The following SORCS3 variants were observed in gnomAD, a reference collection of about 807,000 sequenced individuals.
The protein encoded by SORCS3 is sortilin related VPS10 domain containing receptor 3, also known as VPS10 domain-containing receptor SorCS3.
Under a neutral mutation model 146.3 loss-of-function variants are expected in SORCS3, and 57 were observed. That is an observed-to-expected ratio of 0.39 (90% CI 0.31 to 0.49). The LOEUF is 0.49. SORCS3 is among the 20% of genes least tolerant of loss of function. SORCS3 has a pLI of 0.92. For synonymous variants in SORCS3, 653 were observed against 618.5 expected, an observed-to-expected ratio of 1.06 and a Z score of -0.83; for missense variants, 1,341 against 1,575.5, an observed-to-expected ratio of 0.85 and a Z score of 2.52.
At chr10:104,721,563 T>C (rs2016549573) in intron 1 of SORCS3, among the ~76,000 whole-genome samples, 1 of 152,114 alleles carries the variant, frequency 6.6e-6, no homozygotes, top group South Asian at 2.1e-4. Context: ...TAAATTACCT[T>C]GGGCAGTATG....
intron 1 of SORCS3, among the ~76,000 whole-genome samples, chr10:104,733,151 G>A (rs982026202): frequency 6.6e-6 from 1 of 152,178 alleles, no homozygotes; most frequent in Non-Finnish European, 1.5e-5. Context: ...ATGCTCTGGG[G>A]CCCATGAGCT....
intron 3 of SORCS3, among the ~76,000 whole-genome samples, chr10:104,943,289 C>G (rs1400815105): frequency 6.6e-6 from 1 of 151,946 alleles, no homozygotes; most frequent in Admixed American, 6.6e-5. Flanking sequence ...GCTGCCATGC[C>G]CAGCTAATGT....
At chr10:105,183,524 C>T (rs993389856) in intron 14 of SORCS3, among the ~76,000 whole-genome samples, 3 of 152,154 alleles carry the variant, frequency 2.0e-5, no homozygotes, top group South Asian at 4.1e-4. Flanking sequence ...CCGATAAAGT[C>T]GTTGAAAATG....
chr10:104,870,443 T>G (rs561976292), intron 2 of SORCS3, among the ~76,000 whole-genome samples: 1 of 152,288 alleles, frequency 6.6e-6, no homozygotes, highest in Non-Finnish European at 1.5e-5. Flanking sequence ...TTTAATGTTT[T>G]TTTTTTTCTT....
At chr10:104,672,530 T>C (rs2015867336) in intron 1 of SORCS3, among the ~76,000 whole-genome samples, 3 of 152,022 alleles carry the variant, frequency 2.0e-5, no homozygotes, top group Admixed American at 2.0e-4. Flanking sequence ...TTTTCTAGAT[T>C]CTTAAGTTAG....
chr10:104,952,999 C>G (rs1192039356), intron 3 of SORCS3, among the ~76,000 whole-genome samples: 1 of 152,152 alleles, frequency 6.6e-6, no homozygotes, highest in African/African-American at 2.4e-5. Context: ...AACATAGGCT[C>G]TTCAGAGGAA....
chr10:105,241,611 G>C (rs2056824073), intron 20 of SORCS3, among the ~76,000 whole-genome samples: 1 of 152,132 alleles, frequency 6.6e-6, no homozygotes, highest in South Asian at 2.1e-4. Flanking sequence ...TCACATGGAT[G>C]GTTGAAGGAT....
chr10:104,973,763 T>C (rs2054876452), intron 3 of SORCS3, among the ~76,000 whole-genome samples: 1 of 146,128 alleles, frequency 6.8e-6, no homozygotes. Flanking sequence ...GCTCTTGCTT[T>C]TCTAGTTCTT....
At chr10:104,679,713 G>A (rs551794921) in intron 1 of SORCS3, among the ~76,000 whole-genome samples, 97 of 152,222 alleles carry the variant, frequency 6.4e-4, no homozygotes, top group African/African-American at 2.1e-3. Flanking sequence ...AGTCCTTGCC[G>A]AGGGCTCTTG....
At chr10:105,041,900 G>A (rs780415924) in intron 4 of SORCS3, among the ~76,000 whole-genome samples, 1 of 152,134 alleles carries the variant, frequency 6.6e-6, no homozygotes, top group Admixed American at 6.6e-5. Flanking sequence ...AAAACATAAG[G>A]ATGGTGGAAT....
intron 23 of SORCS3, among the ~76,000 whole-genome samples, chr10:105,255,083 G>T (rs1439700791): frequency 6.6e-6 from 1 of 151,182 alleles, no homozygotes. Context: ...AGCTACTCAG[G>T]AGGCTGAGGC....
chr10:105,211,337 A>G, intron 17 of SORCS3, 87 bp downstream of exon 17: 1 of 885,802 alleles, frequency 1.1e-6, no homozygotes, highest in South Asian at 1.4e-5. Flanking sequence ...TATTGAATAC[A>G]ATGGAGTGAA....
chr10:104,795,637 G>A (rs1455226384), intron 1 of SORCS3, among the ~76,000 whole-genome samples: 2 of 152,308 alleles, frequency 1.3e-5, no homozygotes, highest in East Asian at 1.9e-4. Context: ...CACTAAATCC[G>A]GTATTTCAGC....
Position 104,661,419 on chromosome 10 carries a change from C to T in SORCS3, c.627+19465C>T, listed in dbSNP as rs1182615822. Among the ~76,000 whole-genome samples the T allele has an allele frequency of 3.3e-5, 5 of 152,286 alleles. No homozygotes were observed. The East Asian group carries it at 9.6e-4, about 29-fold the overall frequency. On this transcript the variant is annotated intron_variant, in intron 1 of 26. Transcript: ENST00000369701. ...TGCTCCACCACCCTAACTTGTTCTC[C>T]TGAAGCAGGGATGGTAATGCCAAAT...
intron 7 of SORCS3, among the ~76,000 whole-genome samples, chr10:105,138,814 T>C (rs911670521): frequency 2.0e-5 from 3 of 152,230 alleles, no homozygotes; most frequent in African/African-American, 7.2e-5. Context: ...TTTGGAGTTC[T>C]TCCTCTAACT....
intron 1 of SORCS3, among the ~76,000 whole-genome samples, chr10:104,677,171 G>A (rs1012028043): frequency 2.2e-4 from 33 of 152,308 alleles, no homozygotes; most frequent in African/African-American, 7.0e-4. Context: ...ACCTTTTGTG[G>A]TGACAGTCAC....
intron 18 of SORCS3, among the ~76,000 whole-genome samples, chr10:105,216,035 C>T (rs2119652976): frequency 6.6e-6 from 1 of 152,156 alleles, no homozygotes; most frequent in African/African-American, 2.4e-5. Context: ...CCTTAAGAAG[C>T]TAAGTGTTGG....
intron 11 of SORCS3, among the ~76,000 whole-genome samples, chr10:105,163,654 G>A (rs2056285604): frequency 6.6e-6 from 1 of 152,122 alleles, no homozygotes; most frequent in Non-Finnish European, 1.5e-5. Flanking sequence ...GGGCAGAGAG[G>A]AGAGTGTGAA....
intron 1 of SORCS3, among the ~76,000 whole-genome samples, chr10:104,801,458 A>T (rs1479620693): frequency 6.6e-6 from 1 of 152,206 alleles, no homozygotes; most frequent in Non-Finnish European, 1.5e-5. Flanking sequence ...AATTTTGAGG[A>T]ATGTAAAAAT....
Sources: allele counts gnomAD v4.1 joint callset (sites outside exome capture counted in the v4.1 genomes callset), GRCh38; gene constraint gnomAD v4.1.1; transcripts MANE v1.5; gene names NCBI Gene and HGNC (gene_info 2026-07-23, HGNC 2026-07-21).